Variants in USP38 observed in about 807,000 individuals in gnomAD.
USP38 encodes the protein ubiquitin carboxyl-terminal hydrolase 38.
A neutral mutation model predicts 94.3 loss-of-function variants in USP38; 49 were observed. That is an observed-to-expected ratio of 0.52 (90% CI 0.41 to 0.66). USP38 has a LOEUF of 0.66. Among genes scored for constraint, USP38 ranks in the 30% least tolerant of loss-of-function variants. USP38 has a pLI of 0.00. For synonymous variants in USP38, 468 were observed against 463.6 expected (o/e 1.01, Z -0.12); for missense variants, 1,128 against 1,229.4 (o/e 0.92, Z 1.23).
intron 9 of USP38, among the ~76,000 whole-genome samples, chr4:143,218,755 AC>A (rs1241480704): frequency 1.3e-5 from 2 of 152,144 alleles, no homozygotes; most frequent in Non-Finnish European, 2.9e-5. Context: ...CTTGAACTCT[AC>A]CTTACATGTT....
intron 9 of USP38, among the ~76,000 whole-genome samples, chr4:143,218,851 G>A (rs995372053): frequency 1.3e-5 from 2 of 152,010 alleles, no homozygotes; most frequent in African/African-American, 4.8e-5. Flanking sequence ...TAGTTTCATC[G>A]CTTGTTTGGA....
In USP38 at chr4:143,214,883, C is replaced by T; in HGVS notation, c.2907C>T (p.Asp969=). The change falls in exon 9 of 10, where the codon GAC becomes GAT. Residue 969 remains aspartate, a synonymous_variant. Coordinates refer to ENST00000307017, the MANE Select transcript of USP38 (RefSeq NM_032557.6). ...NPTSGLWING[D]PPLQKELMDA... ...CCAGTGGACTCTGGATAAATGGAGA[C>T]CCACCTCTACAGAAAGAACTTATGG... 1.2e-6 allele frequency: 2 copies of T among 1,613,362 alleles called. No homozygotes were observed. The highest frequency in any genetic ancestry group is 1.7e-6 in the Non-Finnish European group (2 of 1,179,632).
intron 9 of USP38, among the ~76,000 whole-genome samples, chr4:143,218,377 T>C (rs1273415242): frequency 6.6e-6 from 1 of 152,116 alleles, no homozygotes; most frequent in Non-Finnish European, 1.5e-5. Flanking sequence ...ATTTGTGATA[T>C]AAATTACACA....
intron 9 of USP38, chr4:143,215,380 A>G (rs1343763562): frequency 1.2e-5 from 2 of 160,772 alleles, no homozygotes; most frequent in African/African-American, 4.8e-5. Context: ...ACTAAAATGT[A>G]GACTATGTAA....
At chr4:143,205,440 A>T (rs1731832806) in intron 5 of USP38, among the ~76,000 whole-genome samples, 1 of 152,240 alleles carries the variant, frequency 6.6e-6, no homozygotes, top group South Asian at 2.1e-4. Context: ...GTTGATAAGA[A>T]AAATCCATAT....
intron 6 of USP38, among the ~76,000 whole-genome samples, chr4:143,208,092 C>A (rs1233896584): frequency 6.6e-6 from 1 of 151,810 alleles, no homozygotes; most frequent in Non-Finnish European, 1.5e-5. Flanking sequence ...GCAGAGAATC[C>A]TATTTATATA....
chr4:143,186,894 G>A (rs763792649), intron 1 of USP38, among the ~76,000 whole-genome samples: 2 of 152,158 alleles, frequency 1.3e-5, no homozygotes, highest in African/African-American at 2.4e-5. Flanking sequence ...CTTGGTACAA[G>A]CATTCTCCTT....
rs751405417 is a variant in USP38, at chr4:143,214,294, A to C, written c.2318A>C (p.Lys773Thr). ...LTLLRFSYDQKYHVRRKILDN... is the reference protein window; with the variant it reads ...LTLLRFSYDQTYHVRRKILDN... ...CTCCTGAGATTTTCATATGATCAGA[A>C]GTATCATGTGAGAAGGAAAATTTTA... The change falls in exon 9 of 10, where the codon AAG (lysine) becomes ACG (threonine). Residue 773 changes from lysine to threonine, a missense_variant. Transcript: ENST00000307017. 6.2e-7 allele frequency: 1 copy of C among 1,613,166 alleles called. No homozygotes were observed. The highest frequency in any genetic ancestry group is 8.5e-7 in the Non-Finnish European group (1 of 1,179,684).
At chr4:143,200,751 A>G (rs1047005614) in intron 4 of USP38, among the ~76,000 whole-genome samples, 5 of 152,214 alleles carry the variant, frequency 3.3e-5, no homozygotes, top group African/African-American at 1.2e-4. Flanking sequence ...GCTAGGAGCC[A>G]AATCAGGAAG....
chr4:143,212,312 CAA>C lies in USP38; in HGVS notation c.1498-3_1498-2del, dbSNP rs768848519. 4.4e-6 allele frequency: 7 copies of C among 1,598,818 alleles called. No individual in the cohort carries two copies. The Admixed American group carries it at 1.2e-4, about 28-fold the overall frequency. On this transcript the variant is annotated splice_polypyrimidine_tract_variant and splice_region_variant and intron_variant, in intron 7 of 9. Transcript: ENST00000307017. ...TTCCTTATATTTTCTCAATTGCTCT[CAA>C]AAGAGGGAAGCATACGCACCTCGGA...
chr4:143,194,962 G>A (rs905215299), intron 2 of USP38, among the ~76,000 whole-genome samples: 1 of 150,830 alleles, frequency 6.6e-6, no homozygotes, highest in East Asian at 1.9e-4. Flanking sequence ...ACTCATTAGT[G>A]CAAAATGAAG....
At chr4:143,210,598 A>AG (rs1491562317) in intron 7 of USP38, among the ~76,000 whole-genome samples, 1 of 151,718 alleles carries the variant, frequency 6.6e-6, no homozygotes, top group Non-Finnish European at 1.5e-5. Context: ...AAAAAAAAAA[A>AG]GAGTCTTTAT....
chr4:143,197,969 G>T, intron 4 of USP38, 45 bp downstream of exon 4: 1 of 1,415,414 alleles, frequency 7.1e-7, no homozygotes, highest in South Asian at 1.3e-5. Flanking sequence ...GCCTCAATTT[G>T]AAAATTTAGT....
chr4:143,214,451 G>A lies in USP38; in HGVS notation c.2475G>A (p.Lys825=). The A allele has an allele frequency of 6.2e-7, 1 of 1,613,582 alleles. No individual in the cohort carries two copies. Among genetic ancestry groups the A allele is most frequent in the Non-Finnish European group, 8.5e-7 (1 of 1,179,816 alleles). The change falls in exon 9 of 10, where the codon AAG becomes AAA. Residue 825 remains lysine (K), a synonymous_variant. Coordinates refer to ENST00000307017, the MANE Select transcript of USP38 (RefSeq NM_032557.6). ...DLSENLAKKL[K]PSGTDEASCT... ...GTGAGAACCTTGCTAAAAAATTAAA[G>A]CCTTCAGGGACTGATGAAGCTTCCT...
In USP38 at chr4:143,195,967, A is replaced by C. The variant is rs1731536097; in HGVS notation, c.948+122A>C. The C allele has an allele frequency of 3.0e-6, 3 of 988,614 alleles. No homozygotes were observed. In the African/African-American group the frequency reaches 5.0e-5, roughly 17 times the overall value. 61.2% of individuals were successfully genotyped at this position (988,614 alleles called of 1,614,324 possible). A position where few individuals can be genotyped will look rare whatever the true frequency, so the allele number is the denominator to read the frequency against. On this transcript the variant is annotated intron_variant, in intron 3 of 9. Transcript: ENST00000307017. ...ATGTTATTGTTGTTTTGTTTTGAAT[A>C]ACAGTTTGAATAGGCTTTAGAAATT...
chr4:143,206,289 A>G, intron 6 of USP38, 63 bp downstream of exon 6: 2 of 1,329,754 alleles, frequency 1.5e-6, no homozygotes, highest in South Asian at 1.6e-5. Flanking sequence ...GATGAAATAT[A>G]AGATGATAGA....
chr4:143,202,654 G>C (rs370411207), intron 4 of USP38, among the ~76,000 whole-genome samples: 43 of 151,974 alleles, frequency 2.8e-4, no homozygotes, highest in East Asian at 1.7e-3. Flanking sequence ...TGACTTTTTA[G>C]TTTAATTTTA....
chr4:143,197,506 T>C (rs185942194), intron 3 of USP38, among the ~76,000 whole-genome samples: 1 of 152,214 alleles, frequency 6.6e-6, no homozygotes, highest in Non-Finnish European at 1.5e-5. Flanking sequence ...AGTAATAGTA[T>C]GTGCTTAACA....
chr4:143,223,084 A>C lies in USP38; in HGVS notation c.*2628A>C, dbSNP rs939592068. The C allele has an allele frequency of 1.3e-5, 2 of 152,156 alleles. No individual in the cohort carries two copies. The highest frequency in any genetic ancestry group is 4.8e-5 in the African/African-American group (2 of 41,448). The allele number at this position is 152,156 out of a possible 1,614,324, so 9.4% of individuals were successfully genotyped here. On this transcript the variant is annotated 3_prime_UTR_variant, in exon 10 of 10. Coordinates refer to ENST00000307017, the MANE Select transcript of USP38 (RefSeq NM_032557.6). ...TTTATTGACATAATTAAAGTAAAAA[A>C]TTGTTTAGAGATATGCAAAGAAGGA...
Sources: gnomAD v4.1 joint callset for allele counts (sites outside exome capture counted in the v4.1 genomes callset) on GRCh38, gnomAD v4.1.1 for gene constraint, MANE v1.5 for transcripts, NCBI Gene and HGNC (gene_info 2026-07-23, HGNC 2026-07-21) for gene names.